The following PTPRD variants were observed in gnomAD, a reference collection of about 807,000 sequenced individuals.
PTPRD encodes receptor-type tyrosine-protein phosphatase delta.
Under a neutral mutation model 214.5 loss-of-function variants are expected in PTPRD, and 34 were observed. The observed-to-expected ratio is 0.16, with a 90% CI of 0.12 to 0.21. The LOEUF is 0.21. Among genes scored for constraint, PTPRD ranks in the 10% least tolerant of loss-of-function variants. PTPRD has a pLI of 1.00. For missense variants in PTPRD, 2,545 were observed against 2,398.7 expected, an observed-to-expected ratio of 1.06 and a Z score of -1.27; for synonymous variants, 1,128 against 845.7, an observed-to-expected ratio of 1.33 and a Z score of -5.79.
chr9:9,066,945 T>C (rs2099735513), intron 10 of PTPRD, among the ~76,000 whole-genome samples: 1 of 152,234 alleles, frequency 6.6e-6, no homozygotes, highest in African/African-American at 2.4e-5. Context: ...TGGTAATCCC[T>C]ATTAAAACTT....
At chr9:10,591,083 A>G (rs947736796) in intron 2 of PTPRD, among the ~76,000 whole-genome samples, 18 of 151,636 alleles carry the variant, frequency 1.2e-4, no homozygotes, top group Non-Finnish European at 1.2e-4. Context: ...GCAGATTCCA[A>G]TATGGCCCCA....
At chr9:9,973,340 C>G (rs879392766) in intron 4 of PTPRD, among the ~76,000 whole-genome samples, 1 of 151,060 alleles carries the variant, frequency 6.6e-6, no homozygotes, top group Non-Finnish European at 1.5e-5. Flanking sequence ...GGTGTGGTCG[C>G]TTGCGTCTGT....
chr9:8,665,153 C>T (rs1039850525), intron 12 of PTPRD, among the ~76,000 whole-genome samples: 2 of 152,112 alleles, frequency 1.3e-5, no homozygotes, highest in African/African-American at 4.8e-5. Context: ...CTTTCACAAG[C>T]AGTTTTTAAT....
At chr9:9,102,760 A>C (rs1197186485) in intron 10 of PTPRD, among the ~76,000 whole-genome samples, 1 of 152,234 alleles carries the variant, frequency 6.6e-6, no homozygotes, top group South Asian at 2.1e-4. Context: ...ACAAATTAAT[A>C]TTTTCAGGAA....
At chr9:9,333,645 G>C (rs544562180) in intron 9 of PTPRD, among the ~76,000 whole-genome samples, 1 of 151,226 alleles carries the variant, frequency 6.6e-6, no homozygotes, top group Non-Finnish European at 1.5e-5. Flanking sequence ...TATTCCAGCT[G>C]TATGACTAAC....
chr9:9,912,889 A>C (rs2153831759), intron 5 of PTPRD, among the ~76,000 whole-genome samples: 1 of 152,332 alleles, frequency 6.6e-6, no homozygotes, highest in East Asian at 1.9e-4. Context: ...ACATAAAAAT[A>C]GAGTATAATC....
rs150917166 is a variant in PTPRD, at chr9:10,217,207, T to G, written c.-545+123756A>C. On this transcript the variant is annotated intron_variant, in intron 3 of 45. Transcript: ENST00000381196. ...TACTTGTGAAACATGTTTAAATGAT[T>G]TAGATTTAAGTTATACTTTGTTATT... 4.6e-5 allele frequency among the ~76,000 whole-genome samples: 7 copies of G among 151,892 alleles called. No individual in the cohort carries two copies. In the East Asian group the frequency reaches 1.4e-3, roughly 29 times the overall value.
intron 8 of PTPRD, among the ~76,000 whole-genome samples, chr9:9,419,506 G>A (rs1197516827): frequency 6.6e-6 from 1 of 151,678 alleles, no homozygotes. Flanking sequence ...CCATGATGTT[G>A]GGAAGGTTTG....
chr9:8,607,188 C>CA (rs573513780), intron 14 of PTPRD, among the ~76,000 whole-genome samples: 10 of 152,012 alleles, frequency 6.6e-5, no homozygotes, highest in Non-Finnish European at 1.3e-4. Context: ...ATTCTCACCA[C>CA]AAAAAATATA....
rs34045121 is a variant in PTPRD at position 10,111,229 on chromosome 9, C to CTTTTTT, written c.-544-77445_-544-77440dup. 9.7e-5 allele frequency among the ~76,000 whole-genome samples: 7 copies of CTTTTTT among 72,192 alleles called. 1 individual carries two copies. The highest frequency in any genetic ancestry group is 2.9e-4 in the African/African-American group (5 of 17,516). The allele number at this position is 72,192 out of a possible 152,430, so 47.4% of individuals were successfully genotyped here. A position where few individuals can be genotyped will look rare whatever the true frequency, so the allele number is the denominator to read the frequency against. ...AATCTGTGTGCTTCCAGTTTAGTTT[C>CTTTTTT]TTTTTTTTTTTTTTTTTTTTTTTTT... On this transcript the variant is annotated intron_variant, in intron 3 of 45. Coordinates refer to ENST00000381196, the MANE Select transcript of PTPRD (RefSeq NM_002839.4).
intron 5 of PTPRD, among the ~76,000 whole-genome samples, chr9:9,869,985 C>T (rs1208598387): frequency 2.6e-5 from 4 of 151,814 alleles, no homozygotes; most frequent in Non-Finnish European, 5.9e-5. Context: ...TATATGTATA[C>T]AAACATAAAA....
chr9:9,540,447 A>T (rs949729346), intron 8 of PTPRD, among the ~76,000 whole-genome samples: 1 of 151,814 alleles, frequency 6.6e-6, no homozygotes, highest in Non-Finnish European at 1.5e-5. Flanking sequence ...TACAATGTAC[A>T]GTAATGAAGT....
chr9:10,150,765 G>C (rs900303341), intron 3 of PTPRD, among the ~76,000 whole-genome samples: 1 of 151,640 alleles, frequency 6.6e-6, no homozygotes, highest in African/African-American at 2.4e-5. Context: ...TGGAGTACAA[G>C]GTTTTAATTA....
intron 3 of PTPRD, among the ~76,000 whole-genome samples, chr9:10,268,012 A>T (rs1308363833): frequency 6.6e-6 from 1 of 152,008 alleles, no homozygotes; most frequent in African/African-American, 2.4e-5. Flanking sequence ...CAGGTGTGGT[A>T]GCTCATCCCT....
At chr9:8,957,534 A>T (rs1006787998) in intron 11 of PTPRD, among the ~76,000 whole-genome samples, 1 of 151,868 alleles carries the variant, frequency 6.6e-6, no homozygotes, top group Non-Finnish European at 1.5e-5. Context: ...GCACCCTCTC[A>T]TCAAATCACT....
At chr9:9,883,672 A>G (rs1565992203) in intron 5 of PTPRD, among the ~76,000 whole-genome samples, 1 of 152,110 alleles carries the variant, frequency 6.6e-6, no homozygotes, top group Non-Finnish European at 1.5e-5. Flanking sequence ...GTGACATACA[A>G]CCACTGCCTC....
At chr9:9,687,248 T>C (rs2097181900) in intron 7 of PTPRD, among the ~76,000 whole-genome samples, 1 of 151,842 alleles carries the variant, frequency 6.6e-6, no homozygotes, top group South Asian at 2.1e-4. Context: ...GTCTACCCAA[T>C]GTTAGAAAAA....
rs76232906 is a variant in PTPRD, at chr9:8,478,667, T to A, written c.3413+5452A>T. 7.0e-3 allele frequency among the ~76,000 whole-genome samples: 1,070 copies of A among 152,236 alleles called. 8 individuals are homozygous for A. Among genetic ancestry groups the A allele is most frequent in the African/African-American group, 0.025 (1,025 of 41,532 alleles). On this transcript the variant is annotated intron_variant, in intron 30 of 45. Coordinates refer to ENST00000381196, the MANE Select transcript of PTPRD (RefSeq NM_002839.4). ...CTGCTCCCCAAATCTACTTAAATAG[T>A]AGGTTTAAGCACCACAGAATTCCTG...
At chr9:9,241,788 C>T (rs1219468814) in intron 9 of PTPRD, among the ~76,000 whole-genome samples, 1 of 151,340 alleles carries the variant, frequency 6.6e-6, no homozygotes, top group Non-Finnish European at 1.5e-5. Flanking sequence ...TGGGTCTTGA[C>T]TCTTTATCCA....
Sources: allele counts gnomAD v4.1 joint callset (sites outside exome capture counted in the v4.1 genomes callset), GRCh38; gene constraint gnomAD v4.1.1; transcripts MANE v1.5; gene names NCBI Gene and HGNC (gene_info 2026-07-23, HGNC 2026-07-21).